KIRREL1: variants seen among roughly 807,000 people sequenced by gnomAD.
KIRREL1 encodes kin of IRRE-like protein 1.
Under a neutral mutation model 83.3 loss-of-function variants are expected in KIRREL1, and 25 were observed. The ratio of observed to expected loss-of-function variants is 0.30; its 90% confidence interval spans 0.22 to 0.42. The LOEUF is 0.42. Ranked by LOEUF, KIRREL1 falls within the 10% of genes least tolerant of loss-of-function variation. The probability of loss-of-function intolerance (pLI) is 1.00; values close to 1 mark genes in which losing one functional copy is unlikely to be tolerated. For missense variants in KIRREL1, 812 were observed against 1,032.3 expected, an observed-to-expected ratio of 0.79 and a Z score of 2.92; for synonymous variants, 388 against 410.4, an observed-to-expected ratio of 0.95 and a Z score of 0.66.
intron 1 of KIRREL1, among the ~76,000 whole-genome samples, chr1:158,036,430 C>T (rs972582726): frequency 3.9e-5 from 6 of 152,120 alleles, no homozygotes; most frequent in Non-Finnish European, 8.8e-5. Flanking sequence ...AATAAGGGGA[C>T]ATGCATGATG....
intron 1 of KIRREL1, among the ~76,000 whole-genome samples, chr1:158,047,550 A>C (rs2101587501): frequency 6.6e-6 from 1 of 152,330 alleles, no homozygotes; most frequent in Non-Finnish European, 1.5e-5. Flanking sequence ...GGCCATGTAG[A>C]TGCAGCCTTC....
intron 1 of KIRREL1, among the ~76,000 whole-genome samples, chr1:158,002,875 C>T (rs939174077): frequency 6.6e-6 from 1 of 151,926 alleles, no homozygotes; most frequent in Non-Finnish European, 1.5e-5. Flanking sequence ...TGGAAGGAGC[C>T]GAGGAATCCG....
At chr1:158,074,933 G>A (rs1316849666) in intron 1 of KIRREL1, among the ~76,000 whole-genome samples, 3 of 152,036 alleles carry the variant, frequency 2.0e-5, no homozygotes, top group African/African-American at 7.3e-5. Context: ...TGGAGGGAAA[G>A]AAGAAGGAGG....
At chr1:157,999,516 G>T (rs11580979) in intron 1 of KIRREL1, among the ~76,000 whole-genome samples, 25,001 of 152,164 alleles carry the variant, frequency 0.16, 2,129 homozygotes, top group Non-Finnish European at 0.21. Flanking sequence ...CAGTTGGTAT[G>T]GAGGGAAGGG....
chr1:158,069,098 G>T (rs951299751), intron 1 of KIRREL1, among the ~76,000 whole-genome samples: 1 of 152,126 alleles, frequency 6.6e-6, no homozygotes, highest in Non-Finnish European at 1.5e-5. Flanking sequence ...TTCCCTCTCT[G>T]GTTCCGGGCT....
chr1:158,003,157 C>G (rs1246823590), intron 1 of KIRREL1, among the ~76,000 whole-genome samples: 1 of 152,146 alleles, frequency 6.6e-6, no homozygotes, highest in Admixed American at 6.5e-5. Flanking sequence ...CATTACCCAG[C>G]ATTGTCAAGC....
chr1:158,033,616 T>C (rs1190794705), intron 1 of KIRREL1, among the ~76,000 whole-genome samples: 2 of 152,252 alleles, frequency 1.3e-5, no homozygotes. Flanking sequence ...CAAAGCCTAC[T>C]GCTGCAGAGA....
At chr1:158,001,535 G>A (rs954965379) in intron 1 of KIRREL1, among the ~76,000 whole-genome samples, 2 of 152,198 alleles carry the variant, frequency 1.3e-5, no homozygotes, top group African/African-American at 2.4e-5. Context: ...CATTGGTGCC[G>A]TGATAGCAGT....
At chr1:158,035,827 A>G (rs928029165) in intron 1 of KIRREL1, among the ~76,000 whole-genome samples, 3 of 152,204 alleles carry the variant, frequency 2.0e-5, no homozygotes, top group South Asian at 4.1e-4. Flanking sequence ...GCCACAGTCT[A>G]TGTCCTAGTA....
intron 1 of KIRREL1, among the ~76,000 whole-genome samples, chr1:157,996,644 G>C (rs1257175873): frequency 1.3e-5 from 2 of 152,310 alleles, no homozygotes; most frequent in African/African-American, 4.8e-5. Flanking sequence ...GGTCTGGAGA[G>C]TAACTGGACT....
At chr1:158,093,893 T>C in intron 13 of KIRREL1, 131 bp downstream of exon 13, 1 of 920,918 alleles carries the variant, frequency 1.1e-6, no homozygotes. Flanking sequence ...CCACACACAC[T>C]CTCCCACACT....
At chr1:158,061,696 C>T (rs1190445741) in intron 1 of KIRREL1, among the ~76,000 whole-genome samples, 2 of 152,054 alleles carry the variant, frequency 1.3e-5, no homozygotes, top group Non-Finnish European at 2.9e-5. Context: ...AGTTGGGTGC[C>T]CCCAGATCAG....
chr1:158,016,722 T>G (rs1221795030), intron 1 of KIRREL1, among the ~76,000 whole-genome samples: 1 of 152,184 alleles, frequency 6.6e-6, no homozygotes, highest in East Asian at 1.9e-4. Context: ...GGATTAAGAT[T>G]TTTCCATGGT....
intron 1 of KIRREL1, among the ~76,000 whole-genome samples, chr1:158,019,169 A>C (rs770987038): frequency 6.6e-6 from 1 of 152,174 alleles, no homozygotes; most frequent in Non-Finnish European, 1.5e-5. Flanking sequence ...AAGTCAGTGC[A>C]TTGTCATGAT....
intron 1 of KIRREL1, among the ~76,000 whole-genome samples, chr1:158,074,400 A>G (rs1454039185): frequency 6.6e-6 from 1 of 152,178 alleles, no homozygotes; most frequent in African/African-American, 2.4e-5. Context: ...TTTGTGTGCA[A>G]CAACCAGTGG....
At chr1:158,070,586 A>C (rs1661483522) in intron 1 of KIRREL1, among the ~76,000 whole-genome samples, 1 of 152,166 alleles carries the variant, frequency 6.6e-6, no homozygotes, top group African/African-American at 2.4e-5. Context: ...GGTAACTTTT[A>C]ATCCAAGGCA....
intron 1 of KIRREL1, among the ~76,000 whole-genome samples, chr1:158,001,061 C>A (rs964662726): frequency 7.9e-5 from 12 of 152,142 alleles, no homozygotes; most frequent in Non-Finnish European, 1.8e-4. Flanking sequence ...GCAGGTTTAT[C>A]CCAGGAAGCT....
At chr1:158,015,347 G>A (rs963392150) in intron 1 of KIRREL1, among the ~76,000 whole-genome samples, 5 of 152,066 alleles carry the variant, frequency 3.3e-5, no homozygotes, top group South Asian at 2.1e-4. Context: ...GCTCCTGCCC[G>A]CTGTTATCAC....
intron 1 of KIRREL1, among the ~76,000 whole-genome samples, chr1:158,019,869 C>A (rs1462768488): frequency 6.6e-6 from 1 of 152,058 alleles, no homozygotes; most frequent in Non-Finnish European, 1.5e-5. Flanking sequence ...AGCATAACAC[C>A]CCCGACCCCG....
Sources: allele counts gnomAD v4.1 joint callset (sites outside exome capture counted in the v4.1 genomes callset), GRCh38; gene constraint gnomAD v4.1.1; transcripts MANE v1.5; gene names NCBI Gene and HGNC (gene_info 2026-07-23, HGNC 2026-07-21).